VASH2: variants seen among roughly 807,000 people sequenced by gnomAD.
VASH2 encodes the protein vasohibin 2.
VASH2 carries 28 observed loss-of-function variants against 37.2 expected under a neutral mutation model. That is an observed-to-expected ratio of 0.75 (90% confidence interval 0.56 to 1.03). The LOEUF is 1.03. Among genes scored for constraint, VASH2 ranks in the 50% least tolerant of loss-of-function variants. The pLI, the probability that VASH2 is intolerant of heterozygous loss-of-function variation, is 0.00. For missense variants in VASH2, 419 were observed against 459.1 expected (o/e 0.91, Z 0.80); for synonymous variants, 188 against 174.7 (o/e 1.08, Z -0.60).
intron 7 of VASH2, 29 bp downstream of exon 7, chr1:212,974,099 A>G (rs1346168263): frequency 2.6e-5 from 41 of 1,589,400 alleles, no homozygotes; most frequent in Non-Finnish European, 3.3e-5. Context: ...TCCCCAACTC[A>G]AAGCCCAACA....
intron 7 of VASH2, among the ~76,000 whole-genome samples, chr1:212,978,148 G>T (rs1257804672): frequency 1.3e-5 from 2 of 152,128 alleles, no homozygotes; most frequent in African/African-American, 4.8e-5. Flanking sequence ...TTCTGGGAGG[G>T]GCCCAACTGG....
At chr1:212,956,567 G>A (rs1666503390) in intron 2 of VASH2, among the ~76,000 whole-genome samples, 1 of 152,148 alleles carries the variant, frequency 6.6e-6, no homozygotes, top group African/African-American at 2.4e-5. Context: ...ATAGCATGAG[G>A]AGGGACCCCA....
intron 7 of VASH2, among the ~76,000 whole-genome samples, chr1:212,986,585 C>T (rs780710525): frequency 1.4e-4 from 21 of 152,180 alleles, no homozygotes; most frequent in Non-Finnish European, 2.1e-4. Context: ...CTTTTCCTGT[C>T]AATCCAAGAA....
At chr1:212,979,033 AGAG>A (rs2102653536) in intron 7 of VASH2, among the ~76,000 whole-genome samples, 1 of 146,154 alleles carries the variant, frequency 6.8e-6, no homozygotes, top group East Asian at 2.0e-4. Flanking sequence ...GTGTAGGAGG[AGAG>A]GGAAGAGAGG....
intron 3 of VASH2, among the ~76,000 whole-genome samples, chr1:212,965,189 T>A (rs1352558879): frequency 6.6e-6 from 1 of 152,200 alleles, no homozygotes; most frequent in East Asian, 1.9e-4. Flanking sequence ...CCAATGGGGT[T>A]ACAGGCATAA....
At chr1:212,961,612 C>G (rs1666679291) in intron 3 of VASH2, among the ~76,000 whole-genome samples, 2 of 152,022 alleles carry the variant, frequency 1.3e-5, no homozygotes, top group South Asian at 4.2e-4. Flanking sequence ...CTTCACTGTC[C>G]TTCTTTTTGA....
Position 212,990,653 on chromosome 1 carries a change from C to G in VASH2, c.*2069C>G, listed in dbSNP as rs1482987965. ...GAGGAAAAGAACAGGAATACAAACT[C>G]TGTAATATGCTGATAAAGAAGCCTT... On this transcript the variant is annotated 3_prime_UTR_variant, in exon 8 of 8. Transcript: ENST00000517399. 1.3e-5 allele frequency: 2 copies of G among 152,200 alleles called. No individual in the cohort carries two copies. Among genetic ancestry groups the G allele is most frequent in the Non-Finnish European group, 2.9e-5 (2 of 68,034 alleles). The allele number at this position is 152,200 out of a possible 1,614,324, so 9.4% of individuals were successfully genotyped here.
intron 7 of VASH2, chr1:212,975,072 G>C (rs1191824185): frequency 6.6e-6 from 1 of 152,250 alleles, no homozygotes; most frequent in Admixed American, 6.5e-5. Context: ...CATTTTACGA[G>C]TTTTGTTTTC....
At chr1:212,987,150 T>C (rs1667501870) in intron 7 of VASH2, among the ~76,000 whole-genome samples, 1 of 152,194 alleles carries the variant, frequency 6.6e-6, no homozygotes, top group Non-Finnish European at 1.5e-5. Context: ...TCTATCAACA[T>C]TGAATTAGTT....
intron 7 of VASH2, among the ~76,000 whole-genome samples, chr1:212,977,023 G>A (rs1667196311): frequency 6.6e-6 from 1 of 152,146 alleles, no homozygotes. Flanking sequence ...CCGCAACAAG[G>A]TGAGGAGGGG....
rs552737343 is a variant in VASH2, at chr1:212,974,174, C to T, written c.995+104C>T. The T allele has an allele frequency of 2.8e-4, 387 of 1,379,016 alleles. 6 individuals are homozygous for T. In the Middle Eastern group the frequency reaches 0.011, roughly 37 times the overall value. 85.4% of individuals were successfully genotyped at this position (1,379,016 alleles called of 1,614,324 possible). A position where few individuals can be genotyped will look rare whatever the true frequency, so the allele number is the denominator to read the frequency against. On this transcript the variant is annotated intron_variant, in intron 7 of 7. Coordinates refer to ENST00000517399, the MANE Select transcript of VASH2 (RefSeq NM_001301056.2). ...CTGTGTCTTGGGCATGGCATTTGAA[C>T]CTGACAGCAATCTCCAAGAGGACTG... is the stretch of plus-strand genomic sequence containing the variant.
chr1:212,980,996 C>T (rs1667322056), intron 7 of VASH2, among the ~76,000 whole-genome samples: 2 of 152,154 alleles, frequency 1.3e-5, no homozygotes, highest in African/African-American at 4.8e-5. Context: ...TCAGAAAAGA[C>T]CACCTCAGGC....
chr1:212,959,814 C>T (rs993619532), intron 2 of VASH2, among the ~76,000 whole-genome samples: 5 of 152,230 alleles, frequency 3.3e-5, no homozygotes, highest in South Asian at 2.1e-4. Context: ...CTTCCATCAG[C>T]GGAGCACCAG....
intron 5 of VASH2, among the ~76,000 whole-genome samples, chr1:212,970,626 A>C (rs1209989956): frequency 1.3e-5 from 2 of 152,160 alleles, no homozygotes; most frequent in East Asian, 3.8e-4. Flanking sequence ...GCAGTGGCTC[A>C]TGCCTGTAAT....
At position 212,974,996 on chromosome 1, in the gene VASH2, A is replaced by G. The variant is rs150127139; in HGVS notation, c.995+926A>G. On this transcript the variant is annotated intron_variant, in intron 7 of 7. Transcript: ENST00000517399. ...ATGATGTAACGAGAGTGACTTGTCAACAGTGAACTGCTTTCACACAAGCAC... is the reference window on the plus strand; with the variant it reads ...ATGATGTAACGAGAGTGACTTGTCAGCAGTGAACTGCTTTCACACAAGCAC... 5.6e-4 allele frequency: 85 copies of G among 152,384 alleles called. No individual in the cohort carries two copies. In the Middle Eastern group the frequency reaches 0.01, roughly 18 times the overall value. The allele number at this position is 152,384 out of a possible 1,614,324, so 9.4% of individuals were successfully genotyped here. A position where few individuals can be genotyped will look rare whatever the true frequency, so the allele number is the denominator to read the frequency against.
intron 5 of VASH2, chr1:212,968,525 G>A: frequency 2.0e-6 from 2 of 985,488 alleles, no homozygotes; most frequent in Non-Finnish European, 2.4e-6. Flanking sequence ...TCTGAAACCA[G>A]ATTGACCACA....
chr1:212,972,187 G>GGAT (rs955241813), intron 5 of VASH2, among the ~76,000 whole-genome samples: 1 of 152,158 alleles, frequency 6.6e-6, no homozygotes, highest in African/African-American at 2.4e-5. Context: ...ACCTAAGCTA[G>GGAT]GATGAGGAAG....
intron 2 of VASH2, among the ~76,000 whole-genome samples, chr1:212,957,916 A>G (rs1666547209): frequency 6.6e-6 from 1 of 152,204 alleles, no homozygotes; most frequent in Non-Finnish European, 1.5e-5. Flanking sequence ...GCTTACACTT[A>G]ATGAGCACCA....
At chr1:212,978,723 G>A (rs984963173) in intron 7 of VASH2, among the ~76,000 whole-genome samples, 1 of 152,160 alleles carries the variant, frequency 6.6e-6, no homozygotes, top group African/African-American at 2.4e-5. Flanking sequence ...CACAACTAGG[G>A]CCGAGTGGCC....
Sources: allele counts gnomAD v4.1 joint callset (sites outside exome capture counted in the v4.1 genomes callset), GRCh38; gene constraint gnomAD v4.1.1; transcripts MANE v1.5; gene names NCBI Gene and HGNC (gene_info 2026-07-23, HGNC 2026-07-21).